TSPAN16: variants seen among roughly 807,000 people sequenced by gnomAD.
The protein encoded by TSPAN16 is tetraspanin-16.
A neutral mutation model predicts 25.2 loss-of-function variants in TSPAN16; 23 were observed. That is an observed-to-expected ratio of 0.91 (90% CI 0.66 to 1.29). The LOEUF (loss-of-function observed/expected upper bound fraction) is 1.29, where lower values mean the gene tolerates loss of function less well. Ranked by LOEUF, TSPAN16 falls within the 50% of genes most tolerant of loss-of-function variation. TSPAN16 has a pLI of 0.00. For synonymous variants in TSPAN16, 123 were observed against 124.4 expected, an observed-to-expected ratio of 0.99 and a Z score of 0.08; for missense variants, 272 against 299.9, an observed-to-expected ratio of 0.91 and a Z score of 0.69.
downstream of TSPAN16, among the ~76,000 whole-genome samples, chr19:11,320,870 T>A (rs888027257): frequency 4.6e-5 from 7 of 151,606 alleles, no homozygotes; most frequent in African/African-American, 1.7e-4. Flanking sequence ...ACTGGGTAAT[T>A]TATAAAGGAA....
intron 6 of TSPAN16, among the ~76,000 whole-genome samples, chr19:11,315,234 T>TTAATAA (rs1555705582): frequency 3.5e-4 from 32 of 91,212 alleles, no homozygotes; most frequent in Admixed American, 1.2e-3. Context: ...AGACTCCTTC[T>TTAATAA]CAATAATAAT....
At chr19:11,296,883 C>CA (rs1403861654) in intron 1 of TSPAN16, among the ~76,000 whole-genome samples, 1 of 151,658 alleles carries the variant, frequency 6.6e-6, no homozygotes, top group East Asian at 1.9e-4. Context: ...ACTAAAAATA[C>CA]AAAAAAATTA....
intron 6 of TSPAN16, chr19:11,321,239 G>A (rs1363435354): frequency 6.6e-6 from 1 of 152,058 alleles, no homozygotes; most frequent in Non-Finnish European, 1.5e-5. Flanking sequence ...AACATGGCTG[G>A]GGAGGCCTCA....
intron 6 of TSPAN16, chr19:11,325,139 C>T: frequency 2.5e-6 from 1 of 405,236 alleles, no homozygotes; most frequent in South Asian, 3.3e-5. Flanking sequence ...AAGCAGCAAG[C>T]TCATGCACGT....
At position 11,315,865 on chromosome 19, in the gene TSPAN16, C is replaced by A; in HGVS notation, c.*27C>A. On this transcript the variant is annotated 3_prime_UTR_variant, in exon 7 of 7. Transcript: ENST00000590327. ...ACCCAGGCCTGGAGAAGATGAGACA[C>A]CTGGGCCCATCTGGCTGCTGGAGAT... 4 of 1,231,836 alleles carry A rather than the reference C, an allele frequency of 3.2e-6. No homozygotes were observed. The highest frequency in any genetic ancestry group is 4.0e-6 in the Non-Finnish European group (4 of 987,784). The allele number at this position is 1,231,836 out of a possible 1,614,324, so 76.3% of individuals were successfully genotyped here. A position where few individuals can be genotyped will look rare whatever the true frequency, so the allele number is the denominator to read the frequency against.
chr19:11,315,108 C>T (rs2080732186), intron 6 of TSPAN16, among the ~76,000 whole-genome samples: 1 of 151,576 alleles, frequency 6.6e-6, no homozygotes, highest in Non-Finnish European at 1.5e-5. Context: ...TGGTGCTGGG[C>T]GCCTGTAATT....
intron 5 of TSPAN16, 42 bp downstream of exon 5, chr19:11,306,798 G>A (rs1209746058): frequency 7.1e-6 from 11 of 1,556,036 alleles, no homozygotes; most frequent in African/African-American, 1.4e-5. Context: ...GACCCCTGAG[G>A]GCTGGTGACT....
intron 4 of TSPAN16, 65 bp downstream of exon 4, chr19:11,301,373 C>T: frequency 7.9e-7 from 1 of 1,260,496 alleles, no homozygotes; most frequent in South Asian, 1.2e-5. Flanking sequence ...GGCGAAGTGG[C>T]TCACACCTGT....
rs1240200408 is a variant in TSPAN16 at position 11,306,589 on chromosome 19, T to C, written c.451-15T>C. 9 of 1,612,700 alleles carry C rather than the reference T, an allele frequency of 5.6e-6. No individual in the cohort carries two copies. The highest frequency in any genetic ancestry group is 6.8e-6 in the Non-Finnish European group (8 of 1,179,888). Reference sequence around the variant, plus strand: ...TTGAAAGGGACTCTCCAAGTATTTCTTCTCCTCTCTATAGCTAAAGTGCTG... The same window carrying C: ...TTGAAAGGGACTCTCCAAGTATTTCCTCTCCTCTCTATAGCTAAAGTGCTG... On this transcript the variant is annotated splice_polypyrimidine_tract_variant and intron_variant, in intron 4 of 6. Coordinates refer to ENST00000590327, the MANE Select transcript of TSPAN16 (RefSeq NM_001282509.2).
At chr19:11,319,883 T>C (rs375590786), downstream of TSPAN16, among the ~76,000 whole-genome samples, 1 of 152,046 alleles carries the variant, frequency 6.6e-6, no homozygotes, top group African/African-American at 2.4e-5. Flanking sequence ...GACGCGATCT[T>C]GGCTCACTGC....
chr19:11,308,290 C>CACAACA (rs57146496), intron 5 of TSPAN16, among the ~76,000 whole-genome samples: 1 of 150,612 alleles, frequency 6.6e-6, no homozygotes, highest in African/African-American at 2.5e-5. Context: ...AAGTCCCCAT[C>CACAACA]ACAACAACAA....
chr19:11,298,080 C>T (rs2080498875), intron 1 of TSPAN16, 62 bp from the exon 2 acceptor site: 2 of 1,559,108 alleles, frequency 1.3e-6, no homozygotes, highest in African/African-American at 2.7e-5. Flanking sequence ...CCGCACTCAC[C>T]CAGTTCTATT....
chr19:11,317,038 A>T (rs144587051), downstream of TSPAN16, among the ~76,000 whole-genome samples: 1 of 151,454 alleles, frequency 6.6e-6, no homozygotes, highest in Non-Finnish European at 1.5e-5. Context: ...CCTGCCCTCA[A>T]GTGATCCGCC....
intron 3 of TSPAN16, among the ~76,000 whole-genome samples, chr19:11,299,985 G>GAAAAAAAAAAA (rs60293071): frequency 2.8e-5 from 3 of 107,750 alleles, no homozygotes; most frequent in East Asian, 3.0e-4. Context: ...CTCAAAAAAA[G>GAAAAAAAAAAA]AAAAAAAAAA....
chr19:11,326,220 A>T (rs74734215), intron 6 of TSPAN16, among the ~76,000 whole-genome samples: 2 of 112,108 alleles, frequency 1.8e-5, no homozygotes, highest in Admixed American at 7.8e-5. Context: ...AGATTCTATT[A>T]AAAAAAAAAA....
chr19:11,325,313 C>T, intron 6 of TSPAN16: 1 of 859,668 alleles, frequency 1.2e-6, no homozygotes, highest in Non-Finnish European at 1.8e-6. Flanking sequence ...TTGCCCTGAG[C>T]TTGGAGATAA....
chr19:11,302,671 A>ATGTG (rs538543877), intron 4 of TSPAN16, among the ~76,000 whole-genome samples: 283 of 126,344 alleles, frequency 2.2e-3, no homozygotes, highest in Non-Finnish European at 2.5e-3. Flanking sequence ...ATATATATAT[A>ATGTG]TATATATACA....
chr19:11,312,047 G>T, intron 5 of TSPAN16, 92 bp from the exon 6 acceptor site: 1 of 906,362 alleles, frequency 1.1e-6, no homozygotes. Flanking sequence ...TCTGAGAGTC[G>T]TCTGAGTGGC....
chr19:11,319,080 G>A (rs2080763210), downstream of TSPAN16, among the ~76,000 whole-genome samples: 1 of 152,212 alleles, frequency 6.6e-6, no homozygotes, highest in Non-Finnish European at 1.5e-5. Flanking sequence ...CCCAGAGTTG[G>A]TGTGTGACCC....
Sources: gnomAD v4.1 joint callset for allele counts (sites outside exome capture counted in the v4.1 genomes callset) on GRCh38, gnomAD v4.1.1 for gene constraint, MANE v1.5 for transcripts, NCBI Gene and HGNC (gene_info 2026-07-23, HGNC 2026-07-21) for gene names.